The following SGCZ variants were observed in gnomAD, a reference collection of about 807,000 sequenced individuals.
SGCZ encodes sarcoglycan zeta, also known as zeta-sarcoglycan.
A neutral mutation model predicts 41.3 loss-of-function variants in SGCZ; 40 were observed. The ratio of observed to expected loss-of-function variants is 0.97; its 90% CI spans 0.75 to 1.26. SGCZ has a LOEUF of 1.26. Among genes scored for constraint, SGCZ ranks in the 50% most tolerant of loss-of-function variants. The pLI, the probability that SGCZ is intolerant of heterozygous loss-of-function variation, is 0.00. For synonymous variants in SGCZ, 206 were observed against 137.5 expected (o/e 1.50, Z -3.49); for missense variants, 552 against 369.8 (o/e 1.49, Z -4.04).
At chr8:14,992,590 A>G (rs113722500) in intron 1 of SGCZ, among the ~76,000 whole-genome samples, 1 of 120,696 alleles carries the variant, frequency 8.3e-6, no homozygotes, top group Non-Finnish European at 1.8e-5. Context: ...CTCATCCAAT[A>G]TACTCCCAAA....
chr8:15,237,921 A>T lies in SGCZ; in HGVS notation c.-298T>A. 2 of 340,720 alleles carry T rather than the reference A, an allele frequency of 5.9e-6. No homozygotes were observed. Among genetic ancestry groups the T allele is most frequent in the Non-Finnish European group, 1.1e-5 (2 of 185,664 alleles). The allele number at this position is 340,720 out of a possible 1,614,324, so 21.1% of individuals were successfully genotyped here. ...GGGCCAAAAGAAAAAAGGAAAAAAA[A>T]ATCCACTCTATTTAAGATTATTTCT... On this transcript the variant is annotated 5_prime_UTR_variant, in exon 1 of 8. Coordinates refer to ENST00000382080, the MANE Select transcript of SGCZ (RefSeq NM_139167.4).
At chr8:14,309,708 G>A (rs1401616982) in intron 3 of SGCZ, 21 of 1,608,736 alleles carry the variant, frequency 1.3e-5, no homozygotes, top group Admixed American at 1.7e-5. Context: ...ACAGGAGACT[G>A]AGTTAAGCAA....
intron 1 of SGCZ, among the ~76,000 whole-genome samples, chr8:14,851,347 C>T (rs1364728217): frequency 6.3e-4 from 72 of 114,256 alleles, no homozygotes; most frequent in Admixed American, 3.0e-3. Flanking sequence ...CCAGCCTGGG[C>T]GACAGAGCGA....
At position 14,153,112 on chromosome 8, in the gene SGCZ, C is replaced by T. The variant is rs562191146; in HGVS notation, c.547+11468G>A. 3.8e-3 allele frequency among the ~76,000 whole-genome samples: 581 copies of T among 152,222 alleles called. 4 individuals are homozygous for T. Among genetic ancestry groups the T allele is most frequent in the Non-Finnish European group, 4.1e-3 (281 of 68,004 alleles). On this transcript the variant is annotated intron_variant, in intron 5 of 7. Coordinates refer to ENST00000382080, the MANE Select transcript of SGCZ (RefSeq NM_139167.4). ...TGTGTCTTAACTGGATCAATGTCAG[C>T]ATCCTAGTTGTAATATGGTATTACA... is the stretch of plus-strand genomic sequence containing the variant.
intron 1 of SGCZ, among the ~76,000 whole-genome samples, chr8:14,726,461 C>A (rs926572913): frequency 6.6e-6 from 1 of 150,666 alleles, no homozygotes; most frequent in Non-Finnish European, 1.5e-5. Flanking sequence ...AGTCATTTAA[C>A]AAAAGCTGTT....
rs76703188 is a variant in SGCZ, at chr8:14,649,852, G to A, written c.40-94926C>T. On this transcript the variant is annotated intron_variant, in intron 1 of 7. Coordinates refer to ENST00000382080, the MANE Select transcript of SGCZ (RefSeq NM_139167.4). Reference sequence around the variant, plus strand: ...CAAAGGCACACACCTACAGCTGGATGGATCTGAGTCCTCATGGAACCAGTC... The same window carrying A: ...CAAAGGCACACACCTACAGCTGGATAGATCTGAGTCCTCATGGAACCAGTC... Among the ~76,000 whole-genome samples the A allele has an allele frequency of 2.8e-3, 428 of 152,122 alleles. 7 individuals are homozygous for A. In the East Asian group the frequency reaches 0.058, roughly 21 times the overall value.
chr8:14,329,535 G>A (rs12547936), intron 2 of SGCZ, among the ~76,000 whole-genome samples: 30,157 of 152,010 alleles, frequency 0.2, 3,756 homozygotes, highest in Non-Finnish European at 0.29. Flanking sequence ...TCTCCAGCTT[G>A]GAGATTGCCA....
intron 2 of SGCZ, among the ~76,000 whole-genome samples, chr8:14,346,993 A>C (rs1802910357): frequency 6.6e-6 from 1 of 152,078 alleles, no homozygotes; most frequent in Non-Finnish European, 1.5e-5. Context: ...TTTTCATAAT[A>C]AAATGCTTAT....
At position 14,851,773 on chromosome 8, in the gene SGCZ, T is replaced by G. The variant is rs545090984; in HGVS notation, c.40-296847A>C. Among the ~76,000 whole-genome samples the G allele has an allele frequency of 7.9e-5, 12 of 152,276 alleles. No individual in the cohort carries two copies. In the East Asian group the frequency reaches 2.3e-3, roughly 29 times the overall value. ...AGTCTAATGCTGGAGATGTTTGGAC[T>G]TCAGAGCGAATACTTTCCAGGGAAT... On this transcript the variant is annotated intron_variant, in intron 1 of 7. Coordinates refer to ENST00000382080, the MANE Select transcript of SGCZ (RefSeq NM_139167.4).
chr8:14,427,561 T>C (rs1585496685), intron 2 of SGCZ, among the ~76,000 whole-genome samples: 1 of 152,114 alleles, frequency 6.6e-6, no homozygotes, highest in Non-Finnish European at 1.5e-5. Flanking sequence ...ATTAGAATCT[T>C]TGTGTGGTAA....
chr8:14,939,818 T>C (rs1453507815), intron 1 of SGCZ, among the ~76,000 whole-genome samples: 2 of 152,072 alleles, frequency 1.3e-5, no homozygotes, highest in Non-Finnish European at 2.9e-5. Context: ...CTCTCCTGAT[T>C]TCCTCTCCTC....
chr8:14,214,544 C>A (rs1281764809), intron 4 of SGCZ, among the ~76,000 whole-genome samples: 1 of 151,872 alleles, frequency 6.6e-6, no homozygotes, highest in Admixed American at 6.6e-5. Flanking sequence ...TCTGCAAATG[C>A]AAAACTGATT....
chr8:14,398,596 G>A (rs1315371334), intron 2 of SGCZ, among the ~76,000 whole-genome samples: 2 of 151,962 alleles, frequency 1.3e-5, no homozygotes, highest in Non-Finnish European at 1.5e-5. Flanking sequence ...GCCTTGGGGA[G>A]TGCTCTGGGA....
chr8:14,422,341 C>T (rs1261476054), intron 2 of SGCZ, among the ~76,000 whole-genome samples: 1 of 152,142 alleles, frequency 6.6e-6, no homozygotes, highest in Non-Finnish European at 1.5e-5. Context: ...CTATACAATA[C>T]ATATATTTAC....
At chr8:14,329,447 TA>T in intron 2 of SGCZ, among the ~76,000 whole-genome samples, 1 of 152,332 alleles carries the variant, frequency 6.6e-6, no homozygotes, top group South Asian at 2.1e-4. Context: ...TCAACACATT[TA>T]AAAAATATCA....
intron 3 of SGCZ, among the ~76,000 whole-genome samples, chr8:14,289,416 G>C (rs9643973): frequency 6.6e-6 from 1 of 151,694 alleles, no homozygotes; most frequent in East Asian, 1.9e-4. Flanking sequence ...GTTATACTTA[G>C]GTCTTAGATC....
chr8:15,055,799 G>T (rs1804682000), intron 1 of SGCZ, among the ~76,000 whole-genome samples: 1 of 152,156 alleles, frequency 6.6e-6, no homozygotes, highest in Admixed American at 6.5e-5. Context: ...CACTGTCCTT[G>T]AGGTGCATTT....
At chr8:14,908,825 G>A (rs1161959572) in intron 1 of SGCZ, among the ~76,000 whole-genome samples, 1 of 150,378 alleles carries the variant, frequency 6.6e-6, no homozygotes, top group Admixed American at 6.7e-5. Context: ...GAGATACAAA[G>A]TTTCTGATAT....
chr8:15,059,937 GT>G (rs1163095226), intron 1 of SGCZ, among the ~76,000 whole-genome samples: 1 of 152,160 alleles, frequency 6.6e-6, no homozygotes, highest in Non-Finnish European at 1.5e-5. Context: ...GAGGCAATGT[GT>G]TCTGGCTCTG....
Sources: gnomAD v4.1 joint callset for allele counts (sites outside exome capture counted in the v4.1 genomes callset) on GRCh38, gnomAD v4.1.1 for gene constraint, MANE v1.5 for transcripts, NCBI Gene and HGNC (gene_info 2026-07-23, HGNC 2026-07-21) for gene names.